The following NEGR1 variants were observed in gnomAD, a reference collection of about 807,000 sequenced individuals.
NEGR1 encodes neuronal growth regulator 1.
In NEGR1, 10 loss-of-function variants were observed where a neutral mutation model predicts 40.9. The ratio of observed to expected loss-of-function variants is 0.24; its 90% CI spans 0.15 to 0.42. NEGR1 has a LOEUF of 0.42. Ranked by LOEUF, NEGR1 falls within the 10% of genes least tolerant of loss-of-function variation. The pLI, the probability that NEGR1 is intolerant of heterozygous loss-of-function variation, is 1.00. For missense variants in NEGR1, 352 were observed against 438.9 expected, an observed-to-expected ratio of 0.80 and a Z score of 1.77; for synonymous variants, 185 against 166.8, an observed-to-expected ratio of 1.11 and a Z score of -0.84.
intron 1 of NEGR1, among the ~76,000 whole-genome samples, chr1:72,220,564 A>G (rs752351670): frequency 2.0e-5 from 3 of 152,084 alleles, no homozygotes; most frequent in Non-Finnish European, 4.4e-5. Context: ...TTCTATGCAT[A>G]TCGGTAATAT....
At chr1:72,235,906 A>T (rs1049683228) in intron 1 of NEGR1, among the ~76,000 whole-genome samples, 1 of 152,076 alleles carries the variant, frequency 6.6e-6, no homozygotes, top group African/African-American at 2.4e-5. Context: ...TATGAAAGTG[A>T]ATTTTTTAAA....
intron 1 of NEGR1, among the ~76,000 whole-genome samples, chr1:71,989,502 G>A (rs1646431376): frequency 6.6e-6 from 1 of 152,100 alleles, no homozygotes. Context: ...TAGAACAAAT[G>A]AGTAATGGCA....
At chr1:72,272,578 A>T (rs774196698) in intron 1 of NEGR1, among the ~76,000 whole-genome samples, 62 of 152,038 alleles carry the variant, frequency 4.1e-4, no homozygotes, top group Admixed American at 1.6e-3. Flanking sequence ...TCTTAAATTC[A>T]TTAATACCTC....
chr1:71,682,155 C>T (rs553994122), intron 4 of NEGR1, among the ~76,000 whole-genome samples: 119 of 152,214 alleles, frequency 7.8e-4, no homozygotes, highest in Non-Finnish European at 1.4e-3. Flanking sequence ...TAATATCCAT[C>T]TTCCAATTTG....
chr1:71,714,094 T>C (rs1329377010), intron 3 of NEGR1, among the ~76,000 whole-genome samples: 2 of 152,144 alleles, frequency 1.3e-5, no homozygotes, highest in Non-Finnish European at 2.9e-5. Context: ...TCCACATGGC[T>C]GGGGAGACCT....
In NEGR1 at chr1:72,054,765, C is replaced by A. The variant is rs1244200770; in HGVS notation, c.177-119454G>T. ...CACATTTTTTATACATAAAATTTTT[C>A]TTCCAAATATTCATATATCCACATA... On this transcript the variant is annotated intron_variant, in intron 1 of 6. Coordinates refer to ENST00000357731, the MANE Select transcript of NEGR1 (RefSeq NM_173808.3). Among the ~76,000 whole-genome samples, 11 of 151,162 alleles carry A rather than the reference C, an allele frequency of 7.3e-5. No homozygotes were observed. The East Asian group carries it at 1.9e-3, about 27-fold the overall frequency.
intron 3 of NEGR1, among the ~76,000 whole-genome samples, chr1:71,714,346 CTT>C (rs1654203979): frequency 6.6e-6 from 1 of 152,178 alleles, no homozygotes; most frequent in South Asian, 2.1e-4. Flanking sequence ...CAGAGCCAAA[CTT>C]TATCATTCTG....
intron 1 of NEGR1, among the ~76,000 whole-genome samples, chr1:72,016,911 C>T (rs1204337363): frequency 1.3e-5 from 2 of 152,050 alleles, no homozygotes; most frequent in Non-Finnish European, 2.9e-5. Context: ...ATTTATTTAG[C>T]TTCTTTGGCA....
At chr1:71,631,755 T>A (rs1175629981) in intron 4 of NEGR1, among the ~76,000 whole-genome samples, 2 of 151,978 alleles carry the variant, frequency 1.3e-5, no homozygotes, top group African/African-American at 4.8e-5. Context: ...GGACCCCAGA[T>A]GGTCTTATTC....
intron 1 of NEGR1, among the ~76,000 whole-genome samples, chr1:72,131,386 CAACA>C (rs895910416): frequency 9.3e-4 from 142 of 152,132 alleles, no homozygotes; most frequent in African/African-American, 3.2e-3. Context: ...AGGTAGAATA[CAACA>C]AACAATGTAC....
chr1:71,877,013 T>A (rs1402811580), intron 2 of NEGR1, among the ~76,000 whole-genome samples: 2 of 151,296 alleles, frequency 1.3e-5, no homozygotes, highest in Non-Finnish European at 2.9e-5. Flanking sequence ...GCAGTAATAG[T>A]GTGGATGGAA....
intron 4 of NEGR1, among the ~76,000 whole-genome samples, chr1:71,634,865 T>G (rs1043970870): frequency 6.6e-6 from 1 of 152,082 alleles, no homozygotes. Context: ...ATAGTCCATC[T>G]CTATGGATGA....
chr1:71,696,395 C>T (rs1259928976), intron 4 of NEGR1, among the ~76,000 whole-genome samples: 1 of 151,714 alleles, frequency 6.6e-6, no homozygotes, highest in Admixed American at 6.6e-5. Flanking sequence ...TCATCCCTAT[C>T]AGAGACATCG....
In NEGR1 at chr1:71,636,000, A is replaced by G. The variant is rs1403011492; in HGVS notation, c.668-24854T>C. On this transcript the variant is annotated intron_variant, in intron 4 of 6. Transcript: ENST00000357731. ...AAACACTTGACAAATAAACAATAGA[A>G]GTAACTGGTATTTTAAAAGTGCTTT... 5.3e-5 allele frequency among the ~76,000 whole-genome samples: 8 copies of G among 152,236 alleles called. No individual in the cohort carries two copies. In the South Asian group the frequency reaches 1.0e-3, roughly 20 times the overall value.
chr1:72,120,846 G>T (rs1467157176), intron 1 of NEGR1, among the ~76,000 whole-genome samples: 1 of 151,874 alleles, frequency 6.6e-6, no homozygotes, highest in East Asian at 1.9e-4. Flanking sequence ...TTTAGTGAAT[G>T]ATATATCATT....
chr1:71,928,027 TACACACACAC>T (rs150454041), intron 2 of NEGR1, among the ~76,000 whole-genome samples: 1 of 77,458 alleles, frequency 1.3e-5, no homozygotes, highest in African/African-American at 6.0e-5. Context: ...AATAAATAAA[TACACACACAC>T]ACACACACAC....
At chr1:72,261,193 C>T (rs1445511837) in intron 1 of NEGR1, among the ~76,000 whole-genome samples, 2 of 152,056 alleles carry the variant, frequency 1.3e-5, no homozygotes, top group East Asian at 3.9e-4. Flanking sequence ...AATGATGAGA[C>T]CATAAAAATG....
chr1:72,267,203 C>T (rs915192775), intron 1 of NEGR1, among the ~76,000 whole-genome samples: 2 of 150,824 alleles, frequency 1.3e-5, no homozygotes, highest in African/African-American at 4.8e-5. Context: ...GTTTCCTGAC[C>T]CAATTTTTAA....
chr1:71,608,520 T>G (rs1334671057), intron 5 of NEGR1, among the ~76,000 whole-genome samples: 1 of 149,568 alleles, frequency 6.7e-6, no homozygotes, highest in Non-Finnish European at 1.5e-5. Context: ...TGACAATGGT[T>G]GCTGAATTTA....
Sources: gnomAD v4.1 joint callset for allele counts (sites outside exome capture counted in the v4.1 genomes callset) on GRCh38, gnomAD v4.1.1 for gene constraint, MANE v1.5 for transcripts, NCBI Gene and HGNC (gene_info 2026-07-23, HGNC 2026-07-21) for gene names.